GALNT9: variants seen among roughly 807,000 people sequenced by gnomAD.
GALNT9 encodes GalNAc transferase 9.
A neutral mutation model predicts 63.1 loss-of-function variants in GALNT9; 47 were observed. That is an observed-to-expected ratio of 0.75 (90% CI 0.59 to 0.95). The LOEUF (loss-of-function observed/expected upper bound fraction) is 0.95. Ranked by LOEUF, GALNT9 falls within the 40% of genes least tolerant of loss-of-function variation. The pLI, the probability that GALNT9 is intolerant of heterozygous loss-of-function variation, is 0.00. For synonymous variants in GALNT9, 396 were observed against 365.7 expected, an observed-to-expected ratio of 1.08 and a Z score of -0.94; for missense variants, 829 against 874.8, an observed-to-expected ratio of 0.95 and a Z score of 0.66.
At chr12:132,292,556 C>T (rs1555242886) in intron 1 of GALNT9, among the ~76,000 whole-genome samples, 1 of 152,360 alleles carries the variant, frequency 6.6e-6, no homozygotes, top group Admixed American at 6.5e-5. Flanking sequence ...CTGGTCCTGG[C>T]TGGGCCCAAA....
At chr12:132,239,561 CAGAG>C (rs2136897148) in intron 6 of GALNT9, among the ~76,000 whole-genome samples, 30 of 136,866 alleles carry the variant, frequency 2.2e-4, no homozygotes, top group Non-Finnish European at 3.5e-4. Context: ...CAGTCAGAGA[CAGAG>C]AGACACAGAG....
intron 6 of GALNT9, among the ~76,000 whole-genome samples, chr12:132,223,009 AACC>A (rs1565992023): frequency 4.9e-5 from 4 of 81,310 alleles, no homozygotes; most frequent in African/African-American, 9.8e-5. Context: ...CACCCCACAC[AACC>A]CACACCCTAC....
chr12:132,301,786 G>A (rs782629722), intron 1 of GALNT9, among the ~76,000 whole-genome samples: 5 of 152,206 alleles, frequency 3.3e-5, no homozygotes, highest in Admixed American at 1.3e-4. Context: ...ATTTGGATGC[G>A]GCTCCAGGGG....
In GALNT9 at chr12:132,237,797, C is replaced by T. The variant is rs2136895546; in HGVS notation, c.1077+10113G>A. Among the ~76,000 whole-genome samples the T allele has an allele frequency of 5.9e-5, 9 of 152,300 alleles. No individual in the cohort carries two copies. The South Asian group carries it at 8.3e-4, about 14-fold the overall frequency. On this transcript the variant is annotated intron_variant, in intron 6 of 10. Coordinates refer to ENST00000328957, the MANE Select transcript of GALNT9 (RefSeq NM_001122636.2). ...TCACCACGTGGCATGGAAGCAAGCCCGGGACAGCGCTTGACCCGAGCGGAC... is the reference window on the plus strand; with the variant it reads ...TCACCACGTGGCATGGAAGCAAGCCTGGGACAGCGCTTGACCCGAGCGGAC...
In GALNT9 at chr12:132,238,204, A is replaced by AGGAGAGAGG. The variant is rs1204710799; in HGVS notation, c.1077+9697_1077+9705dup. Among the ~76,000 whole-genome samples, 5 of 151,930 alleles carry AGGAGAGAGG rather than the reference A, an allele frequency of 3.3e-5. No individual in the cohort carries two copies. Among genetic ancestry groups the AGGAGAGAGG allele is most frequent in the Non-Finnish European group, 5.9e-5 (4 of 67,958 alleles). On this transcript the variant is annotated intron_variant, in intron 6 of 10. Coordinates refer to ENST00000328957, the MANE Select transcript of GALNT9 (RefSeq NM_001122636.2). The surrounding 1 kb of genome is among the most constrained non-coding windows in gnomAD (Gnocchi z 6.5). ...CGCGGGCAGGGGCTGCTCAGGACCCAGGAGAGAGGGGAGAGAGGGGGCGTC... is the reference window on the plus strand; with the variant it reads ...CGCGGGCAGGGGCTGCTCAGGACCCAGGAGAGAGGGGAGAGAGGGGAGAGAGGGGGCGTC...
rs1382073471 is a variant in GALNT9, at chr12:132,265,986, G to A, written c.420-3361C>T. 2.0e-5 allele frequency among the ~76,000 whole-genome samples: 3 copies of A among 150,788 alleles called. No individual in the cohort carries two copies. Among genetic ancestry groups the A allele is most frequent in the East Asian group, 3.9e-4 (2 of 5,150 alleles). ...CTCGCCGTATTTCATGAACAGGCAC[G>A]CACAGCCAACCGCGGGCCTGTCTGC... is the stretch of plus-strand genomic sequence containing the variant. On this transcript the variant is annotated intron_variant, in intron 2 of 10. Transcript: ENST00000328957. This position sits in a 1 kb window ranked among gnomAD's most constrained non-coding sequence, Gnocchi z 5.3.
chr12:132,241,466 A>AT (rs1878345613), intron 6 of GALNT9, among the ~76,000 whole-genome samples: 6 of 123,220 alleles, frequency 4.9e-5, no homozygotes, highest in Non-Finnish European at 6.6e-5. Context: ...CCCTATACCC[A>AT]TTACACACAC....
intron 4 of GALNT9, among the ~76,000 whole-genome samples, chr12:132,258,680 TGGG>T (rs1263970201): frequency 6.6e-6 from 1 of 151,922 alleles, no homozygotes; most frequent in African/African-American, 2.4e-5. Context: ...GATGGGGCAA[TGGG>T]GGGCGAGGAG....
intron 1 of GALNT9, among the ~76,000 whole-genome samples, chr12:132,328,474 T>C (rs781966398): frequency 2.6e-5 from 4 of 152,164 alleles, no homozygotes; most frequent in East Asian, 3.9e-4. Flanking sequence ...GTCGAAGCAT[T>C]TGGGGTGCCT....
intron 1 of GALNT9, among the ~76,000 whole-genome samples, chr12:132,311,979 C>G (rs1881830209): frequency 6.6e-6 from 1 of 152,098 alleles, no homozygotes. Context: ...AAAGAGAGAC[C>G]CTGGTTTGCC....
At chr12:132,213,656 G>C (rs1352293290) in intron 6 of GALNT9, among the ~76,000 whole-genome samples, 3 of 152,224 alleles carry the variant, frequency 2.0e-5, no homozygotes, top group African/African-American at 7.2e-5. Context: ...TGTACCTGCA[G>C]GGACAGCTCA....
intron 1 of GALNT9, among the ~76,000 whole-genome samples, chr12:132,318,176 G>A (rs1868610444): frequency 6.6e-6 from 1 of 152,124 alleles, no homozygotes; most frequent in Admixed American, 6.5e-5. Flanking sequence ...TGGGTGGTGG[G>A]GGTGAAACCC....
chr12:132,317,750 C>T (rs1322864964), intron 1 of GALNT9, among the ~76,000 whole-genome samples: 2 of 152,146 alleles, frequency 1.3e-5, no homozygotes, highest in African/African-American at 2.4e-5. Context: ...CCTCCAGCCC[C>T]GGGGCCCAGC....
At chr12:132,267,994 T>C (rs1486643960) in intron 2 of GALNT9, among the ~76,000 whole-genome samples, 1 of 135,794 alleles carries the variant, frequency 7.4e-6, no homozygotes, top group Non-Finnish European at 1.6e-5. Context: ...CTCACACACA[T>C]GCACACACAC....
At chr12:132,256,796 C>T (rs956625293) in intron 5 of GALNT9, among the ~76,000 whole-genome samples, 1 of 152,210 alleles carries the variant, frequency 6.6e-6, no homozygotes, top group African/African-American at 2.4e-5. Context: ...TGCATCTGTG[C>T]CATGTCCTTG....
intron 6 of GALNT9, among the ~76,000 whole-genome samples, chr12:132,225,153 C>G (rs1333844503): frequency 1.4e-5 from 2 of 143,636 alleles, no homozygotes; most frequent in Non-Finnish European, 3.0e-5. Context: ...ACACTGTACA[C>G]ACCCTACACA....
chr12:132,262,489 C>T lies in GALNT9; in HGVS notation c.556G>A (p.Val186Ile), dbSNP rs374746555. 2.2e-5 allele frequency: 34 copies of T among 1,550,956 alleles called. No individual in the cohort carries two copies. The highest frequency in any genetic ancestry group is 3.0e-5 in the Non-Finnish European group (34 of 1,146,786). Residue 186 changes from valine (V) to isoleucine (I), a missense_variant, in exon 3 of 11, where the codon GTC becomes ATC. Val to Ile is a conservative substitution (Grantham distance 29, BLOSUM62 3). Transcript: ENST00000328957. Reference sequence around the variant, plus strand: ...TCACTGTTGTCGTCCACCAGGATGACCTCCTTGAGGAGCTGGGAGGGCGTG... The same window carrying T: ...TCACTGTTGTCGTCCACCAGGATGATCTCCTTGAGGAGCTGGGAGGGCGTG... ...NHTPSQLLKE[V>I]ILVDDNSDNV...
intron 5 of GALNT9, among the ~76,000 whole-genome samples, chr12:132,248,876 G>C (rs1878811779): frequency 2.0e-5 from 3 of 152,368 alleles, no homozygotes; most frequent in Admixed American, 6.5e-5. Flanking sequence ...CCTGGGAAGA[G>C]GCTGCATGGA....
At position 132,319,620 on chromosome 12, in the gene GALNT9, G is replaced by A. The variant is rs1555245961; in HGVS notation, c.238+9346C>T. Among the ~76,000 whole-genome samples the A allele has an allele frequency of 6.6e-6, 1 of 152,102 alleles. No homozygotes were observed. The highest frequency in any genetic ancestry group is 2.4e-5 in the African/African-American group (1 of 41,414). On this transcript the variant is annotated intron_variant, in intron 1 of 10. Transcript: ENST00000328957. The surrounding 1 kb of genome is among the most constrained non-coding windows in gnomAD (Gnocchi z 5.2). ...TCCGCCGGCTCCTTTCCTCGGGAGAGCCCTGACGCACACACTAGCTGAGTT... is the reference window on the plus strand; with the variant it reads ...TCCGCCGGCTCCTTTCCTCGGGAGAACCCTGACGCACACACTAGCTGAGTT...
Sources: allele counts gnomAD v4.1 joint callset (sites outside exome capture counted in the v4.1 genomes callset), GRCh38; gene constraint gnomAD v4.1.1; non-coding constraint Gnocchi (gnomAD v3.1); transcripts MANE v1.5; gene names NCBI Gene and HGNC (gene_info 2026-07-23, HGNC 2026-07-21).